LHFPL3: variants seen among roughly 807,000 people sequenced by gnomAD.
LHFPL3 encodes LHFPL tetraspan subfamily member 3.
In LHFPL3, 5 loss-of-function variants were observed where a neutral mutation model predicts 19.3. The ratio of observed to expected loss-of-function variants is 0.26; its 90% confidence interval spans 0.14 to 0.54. The LOEUF is 0.54. Ranked by LOEUF, LHFPL3 falls within the 20% of genes least tolerant of loss-of-function variation. LHFPL3 has a pLI of 0.94. For synonymous variants in LHFPL3, 133 were observed against 126.2 expected, an observed-to-expected ratio of 1.05 and a Z score of -0.36; for missense variants, 249 against 307.4, an observed-to-expected ratio of 0.81 and a Z score of 1.42.
intron 1 of LHFPL3, among the ~76,000 whole-genome samples, chr7:104,508,072 C>G (rs1263491008): frequency 6.7e-6 from 1 of 149,676 alleles, no homozygotes; most frequent in Non-Finnish European, 1.5e-5. Flanking sequence ...GGATCTAGAA[C>G]TGGAAATACC....
At chr7:104,467,560 CTCTTT>C (rs1792817152) in intron 1 of LHFPL3, among the ~76,000 whole-genome samples, 1 of 152,296 alleles carries the variant, frequency 6.6e-6, no homozygotes, top group South Asian at 2.1e-4. Context: ...GGGGATTAAT[CTCTTT>C]TATTATCCCC....
At chr7:104,528,228 G>C (rs1794227931) in intron 1 of LHFPL3, among the ~76,000 whole-genome samples, 1 of 152,176 alleles carries the variant, frequency 6.6e-6, no homozygotes, top group African/African-American at 2.4e-5. Context: ...GCCACCAGGG[G>C]CTTTGTCAAC....
At chr7:104,714,537 T>C (rs1173214747) in intron 1 of LHFPL3, among the ~76,000 whole-genome samples, 1 of 151,956 alleles carries the variant, frequency 6.6e-6, no homozygotes, top group Non-Finnish European at 1.5e-5. Context: ...TTAGCAGTTC[T>C]TCATTTTAGA....
chr7:104,558,921 A>G (rs935672319), intron 1 of LHFPL3, among the ~76,000 whole-genome samples: 10 of 146,658 alleles, frequency 6.8e-5, no homozygotes, highest in Non-Finnish European at 1.2e-4. Context: ...TCCCAGCACC[A>G]TTTATTAAAT....
chr7:104,596,330 TAG>T (rs1361316806), intron 1 of LHFPL3, among the ~76,000 whole-genome samples: 2 of 152,264 alleles, frequency 1.3e-5, no homozygotes, highest in African/African-American at 2.4e-5. Flanking sequence ...CCCATCTTAA[TAG>T]AGAGAATTTA....
At chr7:104,660,245 C>T (rs1792200887) in intron 1 of LHFPL3, among the ~76,000 whole-genome samples, 1 of 152,218 alleles carries the variant, frequency 6.6e-6, no homozygotes, top group African/African-American at 2.4e-5. Flanking sequence ...TCATGGTCCA[C>T]CCGCCTTTGC....
At chr7:104,389,413 C>T (rs77949657) in intron 1 of LHFPL3, among the ~76,000 whole-genome samples, 196 of 152,148 alleles carry the variant, frequency 1.3e-3, no homozygotes, top group African/African-American at 4.3e-3. Context: ...ATAGACCAGA[C>T]GACATAATAT....
At chr7:104,880,473 C>T (rs1792026954) in intron 2 of LHFPL3, among the ~76,000 whole-genome samples, 1 of 152,088 alleles carries the variant, frequency 6.6e-6, no homozygotes, top group African/African-American at 2.4e-5. Flanking sequence ...CGGAATAATA[C>T]AGGGGCTGAT....
intron 1 of LHFPL3, among the ~76,000 whole-genome samples, chr7:104,497,629 A>G: frequency 6.8e-6 from 1 of 146,558 alleles, no homozygotes; most frequent in East Asian, 1.9e-4. Context: ...CACCAATTAA[A>G]AAAAAAAAAA....
intron 1 of LHFPL3, among the ~76,000 whole-genome samples, chr7:104,558,566 A>C (rs4275152): frequency 7.3e-5 from 11 of 151,114 alleles, no homozygotes; most frequent in Non-Finnish European, 1.3e-4. Context: ...TTCATTGTAG[A>C]TTCTGGATAT....
chr7:104,629,278 G>A lies in LHFPL3; in HGVS notation c.446-107397G>A, dbSNP rs112812910. On this transcript the variant is annotated intron_variant, in intron 1 of 2. Coordinates refer to ENST00000424859, the MANE Select transcript of LHFPL3 (RefSeq NM_199000.3). ...CGGGTGTTCATATTCTTTAGCATGG[G>A]GATAAAGATGGACGGGGGATCAGCA... 5.2e-3 allele frequency among the ~76,000 whole-genome samples: 792 copies of A among 152,188 alleles called. 3 individuals carry two copies. Among genetic ancestry groups the A allele is most frequent in the Admixed American group, 9.9e-3 (151 of 15,272 alleles).
At chr7:104,798,635 TA>T (rs1790181714) in intron 2 of LHFPL3, among the ~76,000 whole-genome samples, 1 of 152,064 alleles carries the variant, frequency 6.6e-6, no homozygotes, top group African/African-American at 2.4e-5. Context: ...TTTTAAAGTG[TA>T]AAAATACAAT....
At chr7:104,878,465 T>C (rs1011095329) in intron 2 of LHFPL3, among the ~76,000 whole-genome samples, 2 of 152,264 alleles carry the variant, frequency 1.3e-5, no homozygotes, top group Admixed American at 6.5e-5. Flanking sequence ...CTATTGTAAT[T>C]GTTTTGGGGT....
At chr7:104,708,707 GC>G (rs1425157053) in intron 1 of LHFPL3, among the ~76,000 whole-genome samples, 2 of 152,004 alleles carry the variant, frequency 1.3e-5, no homozygotes, top group African/African-American at 4.8e-5. Flanking sequence ...AGTCCTCTGA[GC>G]CCCAGTCCCC....
At chr7:104,582,997 A>T (rs1168773306) in intron 1 of LHFPL3, among the ~76,000 whole-genome samples, 3 of 152,054 alleles carry the variant, frequency 2.0e-5, no homozygotes, top group Non-Finnish European at 4.4e-5. Context: ...TCAAACAAAA[A>T]CACTGGGAAT....
intron 1 of LHFPL3, among the ~76,000 whole-genome samples, chr7:104,680,135 A>G (rs184500416): frequency 2.0e-5 from 3 of 152,186 alleles, no homozygotes; most frequent in Non-Finnish European, 4.4e-5. Flanking sequence ...AAGGAACGCA[A>G]TGAGCTGAAC....
At chr7:104,866,063 C>T (rs1448307419) in intron 2 of LHFPL3, among the ~76,000 whole-genome samples, 1 of 152,184 alleles carries the variant, frequency 6.6e-6, no homozygotes, top group Non-Finnish European at 1.5e-5. Context: ...CCTAAAAGAG[C>T]TCCTGAAGGA....
At chr7:104,489,886 C>T (rs1793308224) in intron 1 of LHFPL3, among the ~76,000 whole-genome samples, 1 of 152,140 alleles carries the variant, frequency 6.6e-6, no homozygotes, top group African/African-American at 2.4e-5. Context: ...AACAGCTATG[C>T]AGATTTCATA....
chr7:104,593,661 T>C (rs557849831), intron 1 of LHFPL3, among the ~76,000 whole-genome samples: 11 of 152,302 alleles, frequency 7.2e-5, no homozygotes, highest in African/African-American at 2.6e-4. Context: ...CCATTATTAT[T>C]GTTTGGGAGT....
Sources: gnomAD v4.1 joint callset for allele counts (sites outside exome capture counted in the v4.1 genomes callset) on GRCh38, gnomAD v4.1.1 for gene constraint, MANE v1.5 for transcripts, NCBI Gene and HGNC (gene_info 2026-07-23, HGNC 2026-07-21) for gene names.